Variants in LRP11 observed in about 807,000 individuals in gnomAD.
LRP11 encodes low-density lipoprotein receptor-related protein 11.
LRP11 carries 25 observed loss-of-function variants against 43.1 expected under a neutral mutation model. The observed-to-expected ratio is 0.58, with a 90% confidence interval of 0.42 to 0.81. LRP11 has a LOEUF of 0.81. Ranked by LOEUF, LRP11 falls within the 30% of genes least tolerant of loss-of-function variation. The pLI, the probability that LRP11 is intolerant of heterozygous loss-of-function variation, is 0.00. For synonymous variants in LRP11, 316 were observed against 299.4 expected (o/e 1.06, Z -0.57); for missense variants, 623 against 665.1 (o/e 0.94, Z 0.70).
intron 1 of LRP11, among the ~76,000 whole-genome samples, chr6:149,861,950 T>C (rs931475722): frequency 1.3e-5 from 2 of 152,238 alleles, no homozygotes; most frequent in Non-Finnish European, 2.9e-5. Flanking sequence ...TCCAGGTAAG[T>C]AGTGAGAACA....
rs1324274969 is a variant in LRP11, at chr6:149,827,108, A to C, written c.1253-749T>G. Among the ~76,000 whole-genome samples, 3 of 151,940 alleles carry C rather than the reference A, an allele frequency of 2.0e-5. 1 individual carries two copies. The highest frequency in any genetic ancestry group is 7.3e-5 in the African/African-American group (3 of 41,356). On this transcript the variant is annotated intron_variant, in intron 5 of 6. Coordinates refer to ENST00000239367, the MANE Select transcript of LRP11 (RefSeq NM_032832.6). This position sits in a 1 kb window ranked among gnomAD's most constrained non-coding sequence, Gnocchi z 4.2. Reference sequence around the variant, plus strand: ...CAGCCTCCCGAGTAGCTGGGATTACAGGTGCGTGCCACCATGCCTCGCTAA... The same window carrying C: ...CAGCCTCCCGAGTAGCTGGGATTACCGGTGCGTGCCACCATGCCTCGCTAA...
rs959577293 is a variant in LRP11 at position 149,826,506 on chromosome 6, A to T, written c.1253-147T>A. 9.9e-6 allele frequency: 6 copies of T among 606,128 alleles called. No individual in the cohort carries two copies. In the East Asian group the frequency reaches 1.4e-4, roughly 14 times the overall value. 37.5% of individuals were successfully genotyped at this position (606,128 alleles called of 1,614,324 possible). A position where few individuals can be genotyped will look rare whatever the true frequency, so the allele number is the denominator to read the frequency against. On this transcript the variant is annotated intron_variant, in intron 5 of 6. Coordinates refer to ENST00000239367, the MANE Select transcript of LRP11 (RefSeq NM_032832.6). ...TACTAAACAAAGGCCTATGTTTGAT[A>T]GTTAAGCAGTAAATAACTAAGGTGA...
rs1777006511 is a variant in LRP11, at chr6:149,864,336, C to A, written c.-316G>T. 1 of 1,011,000 alleles carries A rather than the reference C, an allele frequency of 9.9e-7. No individual in the cohort carries two copies. The highest frequency in any genetic ancestry group is 1.2e-6 in the Non-Finnish European group (1 of 847,152). The allele number at this position is 1,011,000 out of a possible 1,614,324, so 62.6% of individuals were successfully genotyped here. A position where few individuals can be genotyped will look rare whatever the true frequency, so the allele number is the denominator to read the frequency against. ...GCGACGAGTCGGCCTCGGCGTTGATCAGCACCAGGTGTGTGCGAACAGTGG... is the reference window on the plus strand; with the variant it reads ...GCGACGAGTCGGCCTCGGCGTTGATAAGCACCAGGTGTGTGCGAACAGTGG... On this transcript the variant is annotated 5_prime_UTR_variant, in exon 1 of 7. Coordinates refer to ENST00000239367, the MANE Select transcript of LRP11 (RefSeq NM_032832.6).
intron 3 of LRP11, among the ~76,000 whole-genome samples, chr6:149,839,189 C>CA (rs1776513550): frequency 6.6e-6 from 1 of 151,956 alleles, no homozygotes; most frequent in Non-Finnish European, 1.5e-5. Context: ...GCCACTGCGC[C>CA]CGGCCTTGGA....
At chr6:149,847,809 A>G (rs1776659498) in intron 2 of LRP11, among the ~76,000 whole-genome samples, 1 of 145,550 alleles carries the variant, frequency 6.9e-6, no homozygotes, top group Non-Finnish European at 1.5e-5. Flanking sequence ...CTTCTCATAT[A>G]TGTCTAAACT....
chr6:149,850,993 A>C (rs1776710656), intron 2 of LRP11, among the ~76,000 whole-genome samples: 1 of 152,200 alleles, frequency 6.6e-6, no homozygotes, highest in African/African-American at 2.4e-5. Flanking sequence ...GGGGGCTTTG[A>C]TTATGATGAA....
At chr6:149,843,846 G>A (rs868525760) in intron 2 of LRP11, among the ~76,000 whole-genome samples, 2 of 152,006 alleles carry the variant, frequency 1.3e-5, no homozygotes, top group East Asian at 1.9e-4. Context: ...TTTAGTCTTC[G>A]CCCACCCAAT....
chr6:149,861,589 C>T (rs1776896377), intron 1 of LRP11, among the ~76,000 whole-genome samples: 1 of 152,234 alleles, frequency 6.6e-6, no homozygotes, highest in Non-Finnish European at 1.5e-5. Context: ...TCTGTACTCA[C>T]TGCGACCTCC....
At chr6:149,842,924 G>A (rs150928793) in intron 3 of LRP11, 59 bp downstream of exon 3, 27 of 1,600,560 alleles carry the variant, frequency 1.7e-5, no homozygotes, top group East Asian at 2.2e-5. Context: ...AGGACAAAGC[G>A]CCAACCCGAC....
At chr6:149,829,581 T>C (rs934642211) in intron 5 of LRP11, among the ~76,000 whole-genome samples, 1 of 150,186 alleles carries the variant, frequency 6.7e-6, no homozygotes, top group African/African-American at 2.4e-5. Flanking sequence ...TAAAATAAAA[T>C]AAAATAAAAA....
chr6:149,854,972 C>T (rs552414943), intron 1 of LRP11, among the ~76,000 whole-genome samples: 56 of 152,304 alleles, frequency 3.7e-4, no homozygotes, highest in African/African-American at 1.3e-3. Context: ...GCTAATCTGA[C>T]GGGGTCATTC....
At chr6:149,860,540 G>A (rs1006017110) in intron 1 of LRP11, among the ~76,000 whole-genome samples, 5 of 151,950 alleles carry the variant, frequency 3.3e-5, no homozygotes, top group Non-Finnish European at 5.9e-5. Flanking sequence ...AACTCACAAA[G>A]CATGTCCCCC....
intron 2 of LRP11, 108 bp from the exon 3 acceptor site, chr6:149,843,232 T>C: frequency 7.9e-7 from 1 of 1,262,400 alleles, no homozygotes; most frequent in Admixed American, 1.8e-5. Flanking sequence ...AGGACCTGCC[T>C]CTGCACTCCG....
intron 5 of LRP11, among the ~76,000 whole-genome samples, chr6:149,830,007 CTTTTTTTTT>C (rs59467230): frequency 3.1e-5 from 4 of 127,456 alleles, no homozygotes; most frequent in Admixed American, 2.5e-4. Context: ...TTATTATCCT[CTTTTTTTTT>C]TTTTTTTTTT....
chr6:149,820,105 G>T lies in LRP11; in HGVS notation c.*444C>A, dbSNP rs1017236910. 8 of 155,172 alleles carry T rather than the reference G, an allele frequency of 5.2e-5. No homozygotes were observed. Among genetic ancestry groups the T allele is most frequent in the Admixed American group, 4.5e-4 (7 of 15,592 alleles). 9.6% of individuals were successfully genotyped at this position (155,172 alleles called of 1,614,324 possible). On this transcript the variant is annotated 3_prime_UTR_variant, in exon 7 of 7. Transcript: ENST00000239367. ...CACTCTCAGAAACAGGTTTAGAGGGGAAAAGAAAAAGAATACTGGGAGCTT... is the reference window on the plus strand; with the variant it reads ...CACTCTCAGAAACAGGTTTAGAGGGTAAAAGAAAAAGAATACTGGGAGCTT...
At chr6:149,861,908 T>A (rs1290813221) in intron 1 of LRP11, among the ~76,000 whole-genome samples, 1 of 152,254 alleles carries the variant, frequency 6.6e-6, no homozygotes, top group Non-Finnish European at 1.5e-5. Context: ...TCTGGGTTTA[T>A]AGGAAAGCTC....
chr6:149,862,462 CT>C (rs2115429432), intron 1 of LRP11, among the ~76,000 whole-genome samples: 1 of 152,274 alleles, frequency 6.6e-6, no homozygotes, highest in Admixed American at 6.5e-5. Context: ...ATTTTTGTGC[CT>C]CCTGTATGTG....
chr6:149,840,043 A>G (rs1776524466), intron 3 of LRP11, among the ~76,000 whole-genome samples: 1 of 152,176 alleles, frequency 6.6e-6, no homozygotes, highest in South Asian at 2.1e-4. Flanking sequence ...TTGCTGTTTG[A>G]TCATTTTTCT....
intron 4 of LRP11, 21 bp downstream of exon 4, chr6:149,837,317 A>G (rs1261709561): frequency 6.2e-7 from 1 of 1,611,282 alleles, no homozygotes; most frequent in African/African-American, 1.3e-5. Flanking sequence ...ACTGCCTAGC[A>G]ATGTGACATA....
Sources: gnomAD v4.1 joint callset for allele counts (sites outside exome capture counted in the v4.1 genomes callset) on GRCh38, gnomAD v4.1.1 for gene constraint, Gnocchi (gnomAD v3.1) non-coding constraint, MANE v1.5 for transcripts, NCBI Gene and HGNC (gene_info 2026-07-23, HGNC 2026-07-21) for gene names.